Variants in PIEZO1 observed in about 807,000 individuals in gnomAD.
The protein encoded by PIEZO1 is piezo-type mechanosensitive ion channel component 1.
Under a neutral mutation model 297.2 loss-of-function variants are expected in PIEZO1, and 296 were observed. That is an observed-to-expected ratio of 1.00 (90% CI 0.91 to 1.10). PIEZO1 has a LOEUF of 1.10. PIEZO1 is among the 50% of genes least tolerant of loss of function. The pLI, the probability that PIEZO1 is intolerant of heterozygous loss-of-function variation, is 0.00. For synonymous variants in PIEZO1, 2,427 were observed against 1,507.5 expected (o/e 1.61, Z -14.13); for missense variants, 5,018 against 3,455.5 (o/e 1.45, Z -11.34).
rs1235957224 is a variant in PIEZO1, at chr16:88,737,607, A to G, written c.1147T>C (p.Cys383Arg). Residue 383 changes from cysteine (C) to arginine (R), a missense_variant, in exon 10 of 51, where the codon TGC becomes CGC. Cys to Arg is a radical substitution (Grantham distance 180). Coordinates refer to ENST00000301015, the MANE Select transcript of PIEZO1 (RefSeq NM_001142864.4). Reference sequence around the variant, plus strand: ...TGGCCGGTCAGCTCGTGCACGATGCAGTTATCAGCCTCGGTGTCGGGTGCT... The same window carrying G: ...TGGCCGGTCAGCTCGTGCACGATGCGGTTATCAGCCTCGGTGTCGGGTGCT... ...PTAPDTEADN[C>R]IVHELTGQSS... 4.6e-6 allele frequency: 7 copies of G among 1,534,618 alleles called. No homozygotes were observed. Among genetic ancestry groups the G allele is most frequent in the South Asian group, 1.2e-5 (1 of 84,032 alleles).
chr16:88,716,313 G>A (rs1041893774), intron 48 of PIEZO1, 36 bp from the exon 49 acceptor site: 1 of 1,496,244 alleles, frequency 6.7e-7, no homozygotes, highest in South Asian at 1.3e-5. Flanking sequence ...GCCTGGCCCA[G>A]CCAACCTGGC....
intron 5 of PIEZO1, chr16:88,741,221 T>G: frequency 1.2e-5 from 5 of 411,096 alleles, no homozygotes; most frequent in Middle Eastern, 6.6e-4. Flanking sequence ...CTGTGAAGAG[T>G]TCCTAAGGGC....
chr16:88,734,451 G>A lies in PIEZO1; in HGVS notation c.2085C>T (p.Ile695=). Reference sequence around the variant, plus strand: ...GCCTGTGGAAGTAGTGCAGCTGCAGGATGCAGGCCAGGAGGAAGAAGCCGG... The same window carrying A: ...GCCTGTGGAAGTAGTGCAGCTGCAGAATGCAGGCCAGGAGGAAGAAGCCGG... ...LVPGFFLLAC[I]LQLHYFHRPF... is the part of the protein sequence containing the mutation. Residue 695 remains isoleucine, a synonymous_variant, in exon 16 of 51, where the codon ATC becomes ATT. Coordinates refer to ENST00000301015, the MANE Select transcript of PIEZO1 (RefSeq NM_001142864.4). 2 of 1,550,038 alleles carry A rather than the reference G, an allele frequency of 1.3e-6. No individual in the cohort carries two copies. The highest frequency in any genetic ancestry group is 1.7e-6 in the Non-Finnish European group (2 of 1,146,736).
At chr16:88,769,545 G>A (rs1318563189) in intron 1 of PIEZO1, among the ~76,000 whole-genome samples, 2 of 152,190 alleles carry the variant, frequency 1.3e-5, no homozygotes, top group South Asian at 2.1e-4. Flanking sequence ...GACCGGTCCC[G>A]CCTCCTCTCC....
intron 5 of PIEZO1, chr16:88,740,681 C>T (rs1905583512): frequency 6.6e-6 from 1 of 152,314 alleles, no homozygotes; most frequent in African/African-American, 2.4e-5. Context: ...ACCCCTTTCC[C>T]TCTCGGGACT....
chr16:88,777,466 C>T (rs552158560), intron 1 of PIEZO1, among the ~76,000 whole-genome samples: 4 of 151,542 alleles, frequency 2.6e-5, no homozygotes, highest in African/African-American at 4.9e-5. Flanking sequence ...GTCACTGGCC[C>T]GCAGACACAT....
intron 4 of PIEZO1, 68 bp downstream of exon 4, chr16:88,741,985 C>G: frequency 6.7e-7 from 1 of 1,495,016 alleles, no homozygotes; most frequent in East Asian, 2.5e-5. Context: ...TCCTGGGTCC[C>G]CCCACTTCCT....
Position 88,716,906 on chromosome 16 carries a change from AGGCACGGG to A in PIEZO1, c.6661-16_6661-9del. Reference sequence around the variant, plus strand: ...GCTCATGGTGAACAGCGGCTGGGGCAGGCACGGGGACACGGGGCCACGAAGATGAGCGT... The same window carrying A: ...GCTCATGGTGAACAGCGGCTGGGGCAGACACGGGGCCACGAAGATGAGCGT... On this transcript the variant is annotated splice_polypyrimidine_tract_variant and intron_variant, in intron 45 of 50. Coordinates refer to ENST00000301015, the MANE Select transcript of PIEZO1 (RefSeq NM_001142864.4). 2 of 1,549,450 alleles carry A rather than the reference AGGCACGGG, an allele frequency of 1.3e-6. No homozygotes were observed. Among genetic ancestry groups the A allele is most frequent in the African/African-American group, 1.4e-5 (1 of 73,168 alleles).
Position 88,737,623 on chromosome 16 carries a change from G to A in PIEZO1, c.1131C>T (p.Asp377=), listed in dbSNP as rs1402744274. The part of the protein sequence containing the change: ...SDQHVVPTAP[D]TEADNCIVHE... ...GCACGATGCAGTTATCAGCCTCGGTGTCGGGTGCTGTGGGCACCACGTGCT... is the reference window on the plus strand; with the variant it reads ...GCACGATGCAGTTATCAGCCTCGGTATCGGGTGCTGTGGGCACCACGTGCT... The change falls in exon 10 of 51, where the codon GAC becomes GAT. Residue 377 remains aspartate (D), a synonymous_variant. Transcript: ENST00000301015. 1.2e-5 allele frequency: 18 copies of A among 1,534,894 alleles called. No individual in the cohort carries two copies. The highest frequency in any genetic ancestry group is 1.7e-6 in the Non-Finnish European group (2 of 1,146,570).
intron 17 of PIEZO1, 76 bp downstream of exon 17, chr16:88,733,830 A>C: frequency 6.8e-7 from 1 of 1,461,502 alleles, no homozygotes; most frequent in Non-Finnish European, 9.1e-7. Context: ...CCCAGAGGGG[A>C]CTCTGCCAAC....
rs956362052 is a variant in PIEZO1 at position 88,715,365 on chromosome 16, CAT to C, written c.*238_*239del. ...TGATTGTCCATTTGTATAAATAAAA[CAT>C]TTTTTAATTAAAAAAAAAACTCTAC... On this transcript the variant is annotated 3_prime_UTR_variant, in exon 51 of 51. Transcript: ENST00000301015. 251 of 1,206,424 alleles carry C rather than the reference CAT, an allele frequency of 2.1e-4. 6 individuals are homozygous for C. In the South Asian group the frequency reaches 3.6e-3, roughly 17 times the overall value. 74.7% of individuals were successfully genotyped at this position (1,206,424 alleles called of 1,614,324 possible). A position where few individuals can be genotyped will look rare whatever the true frequency, so the allele number is the denominator to read the frequency against.
chr16:88,775,285 C>A (rs539000851), intron 1 of PIEZO1, among the ~76,000 whole-genome samples: 2 of 152,208 alleles, frequency 1.3e-5, no homozygotes, highest in East Asian at 1.9e-4. Flanking sequence ...GCAGACCTAG[C>A]GGCCAGTAGC....
At chr16:88,715,903 T>G (rs1567656029) in intron 50 of PIEZO1, 30 bp downstream of exon 50, 1 of 1,534,494 alleles carries the variant, frequency 6.5e-7, no homozygotes, top group East Asian at 2.5e-5. Context: ...CCCCCCGAGC[T>G]GCGGGGTGCC....
intron 2 of PIEZO1, chr16:88,743,966 G>A: frequency 3.6e-6 from 1 of 279,888 alleles, no homozygotes; most frequent in South Asian, 3.1e-5. Flanking sequence ...GCCACCACCA[G>A]GGGGTGCTGT....
At position 88,717,322 on chromosome 16, in the gene PIEZO1, T is replaced by G; in HGVS notation, c.6472-111A>C. 6.6e-6 allele frequency: 6 copies of G among 906,194 alleles called. No homozygotes were observed. In the South Asian group the frequency reaches 8.6e-5, roughly 13 times the overall value. 56.1% of individuals were successfully genotyped at this position (906,194 alleles called of 1,614,324 possible). On this transcript the variant is annotated intron_variant, in intron 44 of 50. Coordinates refer to ENST00000301015, the MANE Select transcript of PIEZO1 (RefSeq NM_001142864.4). ...CAGAAAAGCCCCAGCCTGACCTCAG[T>G]ATGGCACAGCGGTAGTAATGGTGGG...
intron 22 of PIEZO1, among the ~76,000 whole-genome samples, chr16:88,730,968 C>T (rs140539248): frequency 6.6e-6 from 1 of 152,396 alleles, no homozygotes; most frequent in Non-Finnish European, 1.5e-5. Flanking sequence ...GGCTGGGTGC[C>T]ACTGTGGGGC....
rs148039351 is a variant in PIEZO1 at position 88,731,687 on chromosome 16, C to T, written c.3196+19G>A. ...CAAAGCCACAAAGCCCACTCCCACCCAAGCCACGTGCCCCTCACCAATGCA... is the reference window on the plus strand; with the variant it reads ...CAAAGCCACAAAGCCCACTCCCACCTAAGCCACGTGCCCCTCACCAATGCA... On this transcript the variant is annotated intron_variant, in intron 22 of 50. Coordinates refer to ENST00000301015, the MANE Select transcript of PIEZO1 (RefSeq NM_001142864.4). 1 of 1,545,780 alleles carries T rather than the reference C, an allele frequency of 6.5e-7. No individual in the cohort carries two copies. The highest frequency in any genetic ancestry group is 2.5e-5 in the East Asian group (1 of 40,768).
Position 88,726,530 on chromosome 16 carries a change from C to T in PIEZO1, c.3796+17G>A. 1.9e-6 allele frequency: 3 copies of T among 1,547,394 alleles called. No homozygotes were observed. The highest frequency in any genetic ancestry group is 1.7e-6 in the Non-Finnish European group (2 of 1,144,572). ...GGCTTCCCCACGCCCTCCCCCGCCA[C>T]CGTCCTGGCCACTCACGGTCATAGT... is the stretch of plus-strand genomic sequence containing the variant. On this transcript the variant is annotated intron_variant, in intron 26 of 50. Transcript: ENST00000301015.
intron 1 of PIEZO1, among the ~76,000 whole-genome samples, chr16:88,759,796 A>T (rs1047846573): frequency 6.6e-6 from 1 of 152,206 alleles, no homozygotes; most frequent in African/African-American, 2.4e-5. Context: ...CAGCGTTCAC[A>T]GCAAGGTCTA....
Sources: gnomAD v4.1 joint callset for allele counts (sites outside exome capture counted in the v4.1 genomes callset) on GRCh38, gnomAD v4.1.1 for gene constraint, MANE v1.5 for transcripts, NCBI Gene and HGNC (gene_info 2026-07-23, HGNC 2026-07-21) for gene names.